Variants in PDZD8 observed in about 807,000 individuals in gnomAD.
PDZD8 encodes PDZ domain-containing protein 8.
A neutral mutation model predicts 85.8 loss-of-function variants in PDZD8; 14 were observed. That is an observed-to-expected ratio of 0.16 (90% CI 0.11 to 0.26). The LOEUF (loss-of-function observed/expected upper bound fraction) is 0.26, where lower values mean the gene tolerates loss of function less well. PDZD8 is among the 10% of genes least tolerant of loss of function. PDZD8 has a pLI of 1.00. For synonymous variants in PDZD8, 592 were observed against 568.6 expected (o/e 1.04, Z -0.59); for missense variants, 1,197 against 1,424.3 (o/e 0.84, Z 2.57).
intron 3 of PDZD8, among the ~76,000 whole-genome samples, chr10:117,300,510 T>A (rs1362185271): frequency 6.6e-6 from 1 of 152,194 alleles, no homozygotes; most frequent in Non-Finnish European, 1.5e-5. Flanking sequence ...CCTCTTAAGT[T>A]TATAAAATTT....
chr10:117,349,769 C>T (rs922092396), intron 1 of PDZD8, among the ~76,000 whole-genome samples: 12 of 151,906 alleles, frequency 7.9e-5, no homozygotes, highest in Admixed American at 1.3e-4. Flanking sequence ...CAACACCGCA[C>T]TTCAGCCTGG....
In PDZD8 at chr10:117,374,722, G is replaced by A. The variant is rs746529908; in HGVS notation, c.506C>T (p.Ser169Leu). Residue 169 changes from serine (S) to leucine (L), a missense_variant, in exon 1 of 5, where the codon TCG becomes TTG. Physicochemically the swap from Ser to Leu is moderately radical, Grantham distance 145. Transcript: ENST00000334464. The surrounding 1 kb of genome is among the most constrained non-coding windows in gnomAD (Gnocchi z 7.8). ...TIRLVRPVVP[S>L]ATGEPDGPEG... ...AGGGCCATCGGGCTCCCCGGTGGCC[G>A]AGGGCACGACTGGCCGCACGAGCCG... 6.2e-7 allele frequency: 1 copy of A among 1,609,906 alleles called. No homozygotes were observed. Among genetic ancestry groups the A allele is most frequent in the Admixed American group, 1.7e-5 (1 of 59,522 alleles).
chr10:117,339,333 T>C (rs1383479603), intron 2 of PDZD8, among the ~76,000 whole-genome samples: 1 of 152,184 alleles, frequency 6.6e-6, no homozygotes, highest in Non-Finnish European at 1.5e-5. Context: ...AGCCGGAGGA[T>C]AGTATACTTG....
chr10:117,297,300 A>G (rs1464622455), intron 3 of PDZD8, among the ~76,000 whole-genome samples: 1 of 152,178 alleles, frequency 6.6e-6, no homozygotes, highest in East Asian at 1.9e-4. Flanking sequence ...AAACTCTCCT[A>G]TATTGCTGAT....
intron 2 of PDZD8, among the ~76,000 whole-genome samples, chr10:117,333,705 C>T (rs1844470050): frequency 6.6e-6 from 1 of 152,178 alleles, no homozygotes; most frequent in Non-Finnish European, 1.5e-5. Flanking sequence ...GCAGCCTTCC[C>T]TACAGAACTA....
intron 1 of PDZD8, among the ~76,000 whole-genome samples, chr10:117,369,381 A>ACTC (rs1845150950): frequency 6.6e-6 from 1 of 151,700 alleles, no homozygotes; most frequent in Non-Finnish European, 1.5e-5. Flanking sequence ...CTGGTCTCGA[A>ACTC]CTCCTGACCT....
At chr10:117,304,752 C>A (rs1430444572) in intron 3 of PDZD8, among the ~76,000 whole-genome samples, 1 of 152,130 alleles carries the variant, frequency 6.6e-6, no homozygotes, top group Non-Finnish European at 1.5e-5. Context: ...TTTGCTTCTT[C>A]CTCATTTTTC....
chr10:117,368,771 T>C (rs745378003), intron 1 of PDZD8, among the ~76,000 whole-genome samples: 10 of 150,678 alleles, frequency 6.6e-5, no homozygotes, highest in African/African-American at 2.0e-4. Context: ...CACTACATGG[T>C]AGAAAAATGG....
At chr10:117,343,537 T>TA (rs60363254) in intron 1 of PDZD8, among the ~76,000 whole-genome samples, 16,070 of 152,196 alleles carry the variant, frequency 0.11, 1,139 homozygotes, top group East Asian at 0.34. Context: ...TGTTAGTTTG[T>TA]AAAAAAATTA....
rs776686873 is a variant in PDZD8, at chr10:117,300,543, T to TA, written c.1099-10196dup. Among the ~76,000 whole-genome samples the TA allele has an allele frequency of 8.5e-5, 13 of 152,284 alleles. No homozygotes were observed. The East Asian group carries it at 1.9e-3, about 23-fold the overall frequency. Reference sequence around the variant, plus strand: ...TTTAGTCCTTCTGCTCATGAGAATATAAAAAAGCTCCTTTGGTTGAAGGAA... The same window carrying TA: ...TTTAGTCCTTCTGCTCATGAGAATATAAAAAAAGCTCCTTTGGTTGAAGGAA... On this transcript the variant is annotated intron_variant, in intron 3 of 4. Transcript: ENST00000334464.
At chr10:117,303,688 C>T (rs1259325515) in intron 3 of PDZD8, among the ~76,000 whole-genome samples, 4 of 152,222 alleles carry the variant, frequency 2.6e-5, no homozygotes, top group Non-Finnish European at 4.4e-5. Context: ...GGTCCCTGTG[C>T]TGTGTTCAGC....
intron 3 of PDZD8, among the ~76,000 whole-genome samples, chr10:117,297,790 G>A (rs955167549): frequency 6.6e-6 from 1 of 152,046 alleles, no homozygotes; most frequent in African/African-American, 2.4e-5. Flanking sequence ...GAAGGTAGAG[G>A]TTACATGATT....
intron 1 of PDZD8, among the ~76,000 whole-genome samples, chr10:117,369,948 A>C (rs1490368479): frequency 2.0e-5 from 3 of 152,174 alleles, no homozygotes; most frequent in African/African-American, 7.2e-5. Flanking sequence ...AGCATCCGTA[A>C]GAATCTCAAA....
chr10:117,353,388 C>A (rs1844840018), intron 1 of PDZD8, among the ~76,000 whole-genome samples: 1 of 152,048 alleles, frequency 6.6e-6, no homozygotes, highest in Admixed American at 6.5e-5. Flanking sequence ...CCAAGAAAGA[C>A]CCATATTAGT....
chr10:117,314,140 T>C (rs1844084692), intron 3 of PDZD8: 1 of 152,216 alleles, frequency 6.6e-6, no homozygotes, highest in East Asian at 1.9e-4. Context: ...GTTAGACATT[T>C]TGTTTGCATA....
At chr10:117,370,380 A>T (rs1845168097) in intron 1 of PDZD8, among the ~76,000 whole-genome samples, 1 of 152,208 alleles carries the variant, frequency 6.6e-6, no homozygotes, top group Non-Finnish European at 1.5e-5. Flanking sequence ...AGGCTGATTC[A>T]CTTTAGCAAC....
intron 1 of PDZD8, among the ~76,000 whole-genome samples, chr10:117,367,982 C>T (rs1845119275): frequency 6.6e-6 from 1 of 152,000 alleles, no homozygotes; most frequent in Non-Finnish European, 1.5e-5. Context: ...CTTAGCAGAG[C>T]AGAGATATTG....
chr10:117,338,208 A>C (rs1381194592), intron 2 of PDZD8, among the ~76,000 whole-genome samples: 2 of 152,230 alleles, frequency 1.3e-5, no homozygotes, highest in Non-Finnish European at 2.9e-5. Flanking sequence ...ATACGAAGAC[A>C]AAAAAGCAGG....
intron 2 of PDZD8, among the ~76,000 whole-genome samples, chr10:117,334,918 C>T (rs1458906140): frequency 1.3e-5 from 2 of 151,046 alleles, no homozygotes; most frequent in African/African-American, 4.9e-5. Flanking sequence ...TGAAACAGCC[C>T]AACATAATAT....
Sources: gnomAD v4.1 joint callset for allele counts (sites outside exome capture counted in the v4.1 genomes callset) on GRCh38, gnomAD v4.1.1 for gene constraint, Gnocchi (gnomAD v3.1) non-coding constraint, MANE v1.5 for transcripts, NCBI Gene and HGNC (gene_info 2026-07-23, HGNC 2026-07-21) for gene names.